Variants in BRWD3 observed in about 807,000 individuals in gnomAD.
BRWD3 encodes bromodomain and WD repeat-containing protein 3.
Under a neutral mutation model 149.7 loss-of-function variants are expected in BRWD3, and 10 were observed. The observed-to-expected ratio is 0.07, with a 90% CI of 0.04 to 0.11. The LOEUF is 0.11. BRWD3 is among the 10% of genes least tolerant of loss of function. BRWD3 has a pLI of 1.00. For synonymous variants in BRWD3, 504 were observed against 456.7 expected (o/e 1.10, Z -1.32); for missense variants, 940 against 1,373.2 (o/e 0.68, Z 4.99).
rs1235296036 is a variant in BRWD3, at chrX:80,745,499, A to G, written c.591+70T>C. On this transcript the variant is annotated intron_variant, in intron 7 of 40. Coordinates refer to ENST00000373275, the MANE Select transcript of BRWD3 (RefSeq NM_153252.5). ...GTGAACTGCTTACAAAGCACAATGC[A>G]ATGCCATGCAGTCTGGCTTCAATTG... 1.6e-5 allele frequency: 16 copies of G among 1,019,708 alleles called. No homozygotes were observed. The Admixed American group carries it at 4.0e-4, about 25-fold the overall frequency. The allele number at this position is 1,019,708 out of a possible 1,213,427, so 84.0% of individuals were successfully genotyped here.
chrX:80,784,075 A>C (rs1293230724), intron 6 of BRWD3, among the ~76,000 whole-genome samples: 1 of 111,847 alleles, frequency 8.9e-6, no homozygotes, highest in Non-Finnish European at 1.9e-5. Context: ...TAAAAATATA[A>C]TTGGAATGTC....
intron 17 of BRWD3, among the ~76,000 whole-genome samples, chrX:80,720,806 A>T (rs2073140254): frequency 9.0e-6 from 1 of 111,609 alleles, no homozygotes; most frequent in African/African-American, 3.2e-5. Flanking sequence ...ATACAGTCAT[A>T]CCATTCTTAA....
intron 6 of BRWD3, among the ~76,000 whole-genome samples, chrX:80,754,021 A>G (rs1163706290): frequency 1.8e-5 from 2 of 111,847 alleles, no homozygotes; most frequent in Non-Finnish European, 3.8e-5. Flanking sequence ...TTGGTTCCAT[A>G]TGAATTTTAG....
At chrX:80,769,114 G>C (rs1465750366) in intron 6 of BRWD3, among the ~76,000 whole-genome samples, 3 of 110,860 alleles carry the variant, frequency 2.7e-5, no homozygotes, top group Non-Finnish European at 5.7e-5. Context: ...GACCTACAAA[G>C]AGACTTACAC....
chrX:80,699,823 T>C (rs1569250806), intron 25 of BRWD3, 134 bp downstream of exon 25: 1 of 508,980 alleles, frequency 2.0e-6, no homozygotes, highest in East Asian at 3.7e-5. Flanking sequence ...TCTACAAGAG[T>C]ATAGATCATC....
intron 40 of BRWD3, among the ~76,000 whole-genome samples, chrX:80,680,714 CTT>C (rs1264433774): frequency 2.7e-5 from 3 of 111,566 alleles, no homozygotes; most frequent in African/African-American, 9.8e-5. Flanking sequence ...ACTCTCCTTT[CTT>C]ATTAATATGA....
At chrX:80,726,374 A>T (rs1400896123) in intron 14 of BRWD3, among the ~76,000 whole-genome samples, 1 of 61,555 alleles carries the variant, frequency 1.6e-5, no homozygotes, top group African/African-American at 8.4e-5. Context: ...TTTACATGTT[A>T]TATCTGTATA....
intron 6 of BRWD3, among the ~76,000 whole-genome samples, chrX:80,767,693 C>T (rs751872906): frequency 9.0e-6 from 1 of 111,643 alleles, no homozygotes; most frequent in Non-Finnish European, 1.9e-5. Flanking sequence ...TGCAGCTCCT[C>T]GCCAGCAACA....
At chrX:80,686,492 C>A (rs2072527098) in intron 35 of BRWD3, among the ~76,000 whole-genome samples, 1 of 108,765 alleles carries the variant, frequency 9.2e-6, no homozygotes, top group Admixed American at 9.9e-5. Context: ...ACTGGTTACT[C>A]TAAGTGGCCA....
chrX:80,681,160 C>T (rs2072442182), intron 40 of BRWD3, among the ~76,000 whole-genome samples, 181 bp downstream of exon 40: 1 of 109,783 alleles, frequency 9.1e-6, no homozygotes, highest in South Asian at 3.9e-4. Flanking sequence ...TATTGGAAAT[C>T]TGCTAATGGC....
rs199953219 is a variant in BRWD3, at chrX:80,809,736, AAGAGAG to A, written c.-271_-266del. The A allele has an allele frequency of 1.2e-4, 18 of 154,823 alleles. No individual in the cohort carries two copies. The highest frequency in any genetic ancestry group is 3.4e-4 in the South Asian group (1 of 2,913). 12.8% of individuals were successfully genotyped at this position (154,823 alleles called of 1,213,427 possible). A position where few individuals can be genotyped will look rare whatever the true frequency, so the allele number is the denominator to read the frequency against. On this transcript the variant is annotated 5_prime_UTR_variant, in exon 1 of 41. Transcript: ENST00000373275. ...GTGAGTGAGTGAGAGAGAGAGAGAG[AAGAGAG>A]AGAGAGAGAGAGGAAAAAGAGAGAG... is the stretch of plus-strand genomic sequence containing the variant.
chrX:80,712,447 A>C (rs1357715812), intron 20 of BRWD3, among the ~76,000 whole-genome samples: 1 of 110,843 alleles, frequency 9.0e-6, no homozygotes, highest in Non-Finnish European at 1.9e-5. Flanking sequence ...TCGTTCACTC[A>C]GTGCTCAATG....
chrX:80,809,493 G>C lies in BRWD3; in HGVS notation c.-22C>G. 8.8e-7 allele frequency: 1 copy of C among 1,138,132 alleles called. No homozygotes were observed. Among genetic ancestry groups the C allele is most frequent in the Non-Finnish European group, 1.2e-6 (1 of 850,368 alleles). 93.8% of individuals were successfully genotyped at this position (1,138,132 alleles called of 1,213,427 possible). A position where few individuals can be genotyped will look rare whatever the true frequency, so the allele number is the denominator to read the frequency against. The stretch of plus-strand genomic sequence containing the variant: ...CCATCCTTTTCCCGAGGGGGTTTGG[G>C]GGCTTCGCTCCGGAGGGGCTGGCGG... On this transcript the variant is annotated 5_prime_UTR_variant, in exon 1 of 41. Coordinates refer to ENST00000373275, the MANE Select transcript of BRWD3 (RefSeq NM_153252.5).
chrX:80,713,128 C>T (rs1326292465), intron 20 of BRWD3, among the ~76,000 whole-genome samples: 5 of 109,163 alleles, frequency 4.6e-5, no homozygotes, highest in South Asian at 4.1e-4. Context: ...CACCTCTGCC[C>T]GGCCGCCCCT....
At chrX:80,801,736 G>C (rs1366012979) in intron 4 of BRWD3, among the ~76,000 whole-genome samples, 1 of 110,604 alleles carries the variant, frequency 9.0e-6, no homozygotes, top group Non-Finnish European at 1.9e-5. Context: ...CAGCTACTCT[G>C]GAAGCTAGGG....
At chrX:80,709,715 G>C (rs1450546232) in intron 20 of BRWD3, 138 bp from the exon 21 acceptor site, 1 of 521,502 alleles carries the variant, frequency 1.9e-6, no homozygotes, top group African/African-American at 2.4e-5. Flanking sequence ...AGTCAACATA[G>C]AACTATATTT....
At chrX:80,796,149 G>A (rs922935242) in intron 4 of BRWD3, among the ~76,000 whole-genome samples, 3 of 83,605 alleles carry the variant, frequency 3.6e-5, no homozygotes, top group Admixed American at 2.4e-4. Context: ...TTTTTTTTTT[G>A]AGTCGGAGTC....
chrX:80,787,275 G>A (rs1249402101), intron 6 of BRWD3, among the ~76,000 whole-genome samples: 1 of 111,425 alleles, frequency 9.0e-6, no homozygotes, highest in African/African-American at 3.3e-5. Flanking sequence ...ATGCTGTCAA[G>A]ATATCAGTTA....
intron 10 of BRWD3, among the ~76,000 whole-genome samples, chrX:80,734,472 A>T (rs1273564226): frequency 9.0e-6 from 1 of 111,720 alleles, no homozygotes; most frequent in Non-Finnish European, 1.9e-5. Context: ...CATCCTGAGG[A>T]ATGCATTTCT....
Sources: allele counts gnomAD v4.1 joint callset (sites outside exome capture counted in the v4.1 genomes callset), GRCh38; gene constraint gnomAD v4.1.1; transcripts MANE v1.5; gene names NCBI Gene and HGNC (gene_info 2026-07-23, HGNC 2026-07-21).